PEBP4: variants seen among roughly 807,000 people sequenced by gnomAD.
The protein encoded by PEBP4 is phosphatidylethanolamine-binding protein 4.
In PEBP4, 22 loss-of-function variants were observed where a neutral mutation model predicts 23.9. The observed-to-expected ratio is 0.92, with a 90% confidence interval of 0.66 to 1.31. The LOEUF is 1.31. Among genes scored for constraint, PEBP4 ranks in the 40% most tolerant of loss-of-function variants. PEBP4 has a pLI of 0.00. For synonymous variants in PEBP4, 112 were observed against 99.3 expected (o/e 1.13, Z -0.76); for missense variants, 324 against 281.7 (o/e 1.15, Z -1.07).
chr8:22,822,354 A>AGCGT (rs140574605), intron 3 of PEBP4, among the ~76,000 whole-genome samples: 9 of 147,758 alleles, frequency 6.1e-5, no homozygotes, highest in Non-Finnish European at 1.2e-4. Context: ...TATATACTAA[A>AGCGT]GTGTGTGTGT....
At chr8:22,900,032 C>T (rs1163781202) in intron 3 of PEBP4, among the ~76,000 whole-genome samples, 1 of 151,996 alleles carries the variant, frequency 6.6e-6, no homozygotes, top group African/African-American at 2.4e-5. Flanking sequence ...GCCTGCATGA[C>T]CTCTGGCAAG....
chr8:22,927,109 A>G (rs1809354075), intron 2 of PEBP4, among the ~76,000 whole-genome samples: 1 of 152,178 alleles, frequency 6.6e-6, no homozygotes, highest in South Asian at 2.1e-4. Context: ...CATGATCCCT[A>G]AAGGGCCCTG....
At chr8:22,878,405 G>A (rs1460461424) in intron 3 of PEBP4, among the ~76,000 whole-genome samples, 1 of 152,160 alleles carries the variant, frequency 6.6e-6, no homozygotes, top group Non-Finnish European at 1.5e-5. Flanking sequence ...CAGTGGGAGG[G>A]CTCTGAGAGG....
At chr8:22,914,063 C>G (rs1047693388) in intron 3 of PEBP4, among the ~76,000 whole-genome samples, 1 of 150,768 alleles carries the variant, frequency 6.6e-6, no homozygotes, top group African/African-American at 2.4e-5. Flanking sequence ...TCTAGGCTCA[C>G]TGCAACCTCT....
intron 3 of PEBP4, chr8:22,897,647 C>A (rs1173562276): frequency 6.6e-6 from 1 of 152,086 alleles, no homozygotes; most frequent in East Asian, 1.9e-4. Flanking sequence ...TATCTCCAGT[C>A]CAGATGTTTC....
At chr8:22,898,348 C>T (rs1214540800) in intron 3 of PEBP4, among the ~76,000 whole-genome samples, 2 of 133,656 alleles carry the variant, frequency 1.5e-5, no homozygotes, top group African/African-American at 2.8e-5. Flanking sequence ...GCCGAGATCA[C>T]ACCGCTGCAC....
chr8:22,742,424 C>T (rs2128750670), intron 4 of PEBP4, among the ~76,000 whole-genome samples: 1 of 152,250 alleles, frequency 6.6e-6, no homozygotes, highest in East Asian at 1.9e-4. Context: ...CTCCTCTGCC[C>T]CCATCGGCCT....
chr8:22,923,267 C>A (rs1809251011), intron 2 of PEBP4, among the ~76,000 whole-genome samples: 1 of 152,100 alleles, frequency 6.6e-6, no homozygotes, highest in African/African-American at 2.4e-5. Context: ...TCTGTCATGG[C>A]AAGAATTAGA....
At chr8:22,888,891 G>A (rs1305741073) in intron 3 of PEBP4, among the ~76,000 whole-genome samples, 1 of 152,280 alleles carries the variant, frequency 6.6e-6, no homozygotes, top group South Asian at 2.1e-4. Context: ...CCATCTCTCC[G>A]CTTTCCTGGC....
At chr8:22,716,787 TC>T (rs1218123455) in intron 6 of PEBP4, among the ~76,000 whole-genome samples, 9 of 152,152 alleles carry the variant, frequency 5.9e-5, no homozygotes, top group Non-Finnish European at 1.0e-4. Flanking sequence ...GGGGATCGGC[TC>T]CCCTGCCAGA....
At chr8:22,846,013 C>T (rs775867989) in intron 3 of PEBP4, among the ~76,000 whole-genome samples, 3 of 152,212 alleles carry the variant, frequency 2.0e-5, no homozygotes, top group South Asian at 2.1e-4. Flanking sequence ...CTGGGACAGC[C>T]GCTAAGTGGG....
intron 3 of PEBP4, among the ~76,000 whole-genome samples, chr8:22,910,320 G>A (rs1808912723): frequency 6.6e-6 from 1 of 152,230 alleles, no homozygotes; most frequent in African/African-American, 2.4e-5. Flanking sequence ...AAGAGACCAA[G>A]CCCCCAACAT....
intron 3 of PEBP4, among the ~76,000 whole-genome samples, chr8:22,819,385 A>G (rs1806810905): frequency 6.6e-6 from 1 of 152,224 alleles, no homozygotes; most frequent in African/African-American, 2.4e-5. Flanking sequence ...CAACTTGGAT[A>G]TCACTGTTAT....
chr8:22,743,536 T>A (rs567251539), intron 4 of PEBP4, among the ~76,000 whole-genome samples: 26 of 152,192 alleles, frequency 1.7e-4, no homozygotes, highest in Non-Finnish European at 3.8e-4. Context: ...CACAGCTGTT[T>A]GGAGTGGGGG....
chr8:22,801,068 C>T (rs532156769), intron 4 of PEBP4, among the ~76,000 whole-genome samples: 1 of 152,260 alleles, frequency 6.6e-6, no homozygotes, highest in Admixed American at 6.5e-5. Context: ...ACACTGCCCC[C>T]AGGACCTAGC....
chr8:22,826,251 A>C (rs1442104780), intron 3 of PEBP4, among the ~76,000 whole-genome samples: 1 of 152,220 alleles, frequency 6.6e-6, no homozygotes, highest in Admixed American at 6.5e-5. Context: ...GATGAAATCC[A>C]AGTTCTTTCC....
chr8:22,905,433 G>T (rs1407105642), intron 3 of PEBP4, among the ~76,000 whole-genome samples: 1 of 152,158 alleles, frequency 6.6e-6, no homozygotes, highest in East Asian at 1.9e-4. Flanking sequence ...TTAAAGTGCA[G>T]AGTTTCAAAT....
At chr8:22,716,783 C>T (rs772588459) in intron 6 of PEBP4, among the ~76,000 whole-genome samples, 3 of 152,212 alleles carry the variant, frequency 2.0e-5, no homozygotes, top group South Asian at 2.1e-4. Context: ...AATGGGGGAT[C>T]GGCTCCCCTG....
Position 22,723,994 on chromosome 8 carries a change from C to G in PEBP4, c.517+849G>C, listed in dbSNP as rs1804573372. Among the ~76,000 whole-genome samples, 11 of 152,394 alleles carry G rather than the reference C, an allele frequency of 7.2e-5. 1 individual carries two copies. In the South Asian group the frequency reaches 2.3e-3, roughly 32 times the overall value. On this transcript the variant is annotated intron_variant, in intron 6 of 6. Coordinates refer to ENST00000256404, the MANE Select transcript of PEBP4 (RefSeq NM_144962.3). ...ATGGCTGACGACACCCACCCTCCCA[C>G]TTGCCTTCCTGCCAGCCTGGGGGAT...
Sources: gnomAD v4.1 joint callset for allele counts (sites outside exome capture counted in the v4.1 genomes callset) on GRCh38, gnomAD v4.1.1 for gene constraint, MANE v1.5 for transcripts, NCBI Gene and HGNC (gene_info 2026-07-23, HGNC 2026-07-21) for gene names.